The following TTC29 variants were observed in gnomAD, a reference collection of about 807,000 sequenced individuals.
TTC29 encodes tetratricopeptide repeat domain 29.
A neutral mutation model predicts 58.1 loss-of-function variants in TTC29; 49 were observed. The ratio of observed to expected loss-of-function variants is 0.84; its 90% CI spans 0.67 to 1.07. TTC29 has a LOEUF of 1.07. TTC29 is among the 50% of genes least tolerant of loss of function. The probability of loss-of-function intolerance (pLI) is 0.00; values close to 1 mark genes in which losing one functional copy is unlikely to be tolerated. For missense variants in TTC29, 582 were observed against 555.6 expected (o/e 1.05, Z -0.48); for synonymous variants, 209 against 196.8 (o/e 1.06, Z -0.52).
chr4:146,767,983 C>T (rs1043738514), intron 11 of TTC29, among the ~76,000 whole-genome samples: 15 of 151,934 alleles, frequency 9.9e-5, no homozygotes, highest in Admixed American at 8.5e-4. Flanking sequence ...TTTAATATTC[C>T]ATGATTCTAT....
At chr4:146,811,275 G>A (rs1361905335) in intron 10 of TTC29, among the ~76,000 whole-genome samples, 8 of 152,090 alleles carry the variant, frequency 5.3e-5, no homozygotes, top group Admixed American at 3.3e-4. Flanking sequence ...ACTTTCACAT[G>A]TCACCCTATG....
At chr4:146,909,313 C>A (rs935184366) in intron 4 of TTC29, 64 bp from the exon 5 acceptor site, 2 of 1,245,188 alleles carry the variant, frequency 1.6e-6, no homozygotes, top group African/African-American at 3.0e-5. Context: ...ACGGTATTTT[C>A]ATTCTCTAAT....
chr4:146,813,598 T>C (rs1157891457), intron 10 of TTC29, among the ~76,000 whole-genome samples: 3 of 152,206 alleles, frequency 2.0e-5, no homozygotes, highest in African/African-American at 7.2e-5. Context: ...ACAATTACAA[T>C]ACCTTGCAGG....
chr4:146,791,104 G>A (rs1020989799), intron 11 of TTC29, among the ~76,000 whole-genome samples: 5 of 152,182 alleles, frequency 3.3e-5, no homozygotes, highest in African/African-American at 1.2e-4. Flanking sequence ...CGACTGAGTT[G>A]AGAATTCTCA....
At chr4:146,716,115 G>C (rs1417824021) in intron 11 of TTC29, among the ~76,000 whole-genome samples, 3 of 152,082 alleles carry the variant, frequency 2.0e-5, no homozygotes, top group Non-Finnish European at 4.4e-5. Context: ...AAGAAAGCCT[G>C]TCTCTAATTT....
At chr4:146,922,115 A>G (rs901389942) in intron 4 of TTC29, among the ~76,000 whole-genome samples, 1 of 151,062 alleles carries the variant, frequency 6.6e-6, no homozygotes, top group Non-Finnish European at 1.5e-5. Context: ...CAGAACCACT[A>G]TGGAAATTTT....
intron 11 of TTC29, among the ~76,000 whole-genome samples, chr4:146,778,254 A>T (rs973520882): frequency 6.6e-6 from 1 of 152,008 alleles, no homozygotes; most frequent in Non-Finnish European, 1.5e-5. Context: ...ATAACTATTT[A>T]AGGTTATAAA....
At chr4:146,872,858 AC>A (rs138539953) in intron 7 of TTC29, among the ~76,000 whole-genome samples, 1 of 152,072 alleles carries the variant, frequency 6.6e-6, no homozygotes, top group Non-Finnish European at 1.5e-5. Context: ...TTATCATATA[AC>A]CCAGCGATGC....
intron 6 of TTC29, among the ~76,000 whole-genome samples, chr4:146,891,403 T>C (rs570694572): frequency 3.3e-4 from 50 of 152,300 alleles, no homozygotes; most frequent in African/African-American, 1.1e-3. Flanking sequence ...CCTATTTTAC[T>C]TTGACCGTAG....
intron 2 of TTC29, among the ~76,000 whole-genome samples, chr4:146,941,163 G>A (rs1488416344): frequency 6.6e-6 from 1 of 152,158 alleles, no homozygotes; most frequent in Non-Finnish European, 1.5e-5. Flanking sequence ...AAGAACCCAT[G>A]CTTCTGTTAA....
At chr4:146,770,633 G>A (rs1455094323) in intron 11 of TTC29, among the ~76,000 whole-genome samples, 4 of 151,966 alleles carry the variant, frequency 2.6e-5, no homozygotes, top group Non-Finnish European at 4.4e-5. Context: ...AAGAGTCAGT[G>A]ACCAAGTAGG....
intron 8 of TTC29, among the ~76,000 whole-genome samples, chr4:146,837,864 A>C (rs1158212952): frequency 6.6e-6 from 1 of 151,970 alleles, no homozygotes; most frequent in Non-Finnish European, 1.5e-5. Flanking sequence ...GAATTTGTCT[A>C]TTTTTAAAGT....
intron 11 of TTC29, among the ~76,000 whole-genome samples, chr4:146,802,411 G>A (rs952835524): frequency 2.0e-5 from 3 of 152,134 alleles, no homozygotes; most frequent in Non-Finnish European, 2.9e-5. Context: ...TCAAGAAGCT[G>A]CCAATTTTTT....
chr4:146,782,093 G>C (rs1748655173), intron 11 of TTC29, among the ~76,000 whole-genome samples: 1 of 151,662 alleles, frequency 6.6e-6, no homozygotes, highest in Non-Finnish European at 1.5e-5. Flanking sequence ...GAGTCTAGAG[G>C]TGCAACAACC....
chr4:146,922,110 C>A (rs1734629671), intron 4 of TTC29, among the ~76,000 whole-genome samples: 1 of 149,256 alleles, frequency 6.7e-6, no homozygotes, highest in African/African-American at 2.4e-5. Flanking sequence ...AAATGCAGAA[C>A]CACTATGGAA....
At chr4:146,849,990 T>A (rs948787544) in intron 8 of TTC29, among the ~76,000 whole-genome samples, 2 of 152,222 alleles carry the variant, frequency 1.3e-5, no homozygotes, top group African/African-American at 4.8e-5. Context: ...ATTATTTTGT[T>A]GTACTTTTTC....
chr4:146,870,884 A>G (rs985418337), intron 7 of TTC29, among the ~76,000 whole-genome samples: 1 of 152,052 alleles, frequency 6.6e-6, no homozygotes, highest in African/African-American at 2.4e-5. Context: ...AGCCAGGCTC[A>G]GATGATTTCA....
At chr4:146,845,524 G>A (rs1192397025) in intron 8 of TTC29, among the ~76,000 whole-genome samples, 1 of 152,138 alleles carries the variant, frequency 6.6e-6, no homozygotes, top group Admixed American at 6.6e-5. Context: ...TCAGTTATCA[G>A]TTATTTATGG....
intron 6 of TTC29, among the ~76,000 whole-genome samples, chr4:146,877,892 C>A (rs1194789758): frequency 6.6e-6 from 1 of 152,042 alleles, no homozygotes; most frequent in African/African-American, 2.4e-5. Flanking sequence ...GAACTGATAT[C>A]CATCTCCAAA....
Sources: gnomAD v4.1 joint callset for allele counts (sites outside exome capture counted in the v4.1 genomes callset) on GRCh38, gnomAD v4.1.1 for gene constraint, MANE v1.5 for transcripts, NCBI Gene and HGNC (gene_info 2026-07-23, HGNC 2026-07-21) for gene names.